Variants in ZNF662 observed in about 807,000 individuals in gnomAD.
ZNF662 encodes zinc finger protein 662.
ZNF662 carries 14 observed loss-of-function variants against 12.4 expected under a neutral mutation model. The ratio of observed to expected loss-of-function variants is 1.13; its 90% CI spans 0.75 to 1.77. The LOEUF is 1.77. Among genes scored for constraint, ZNF662 ranks in the 40% most tolerant of loss-of-function variants. The probability of loss-of-function intolerance (pLI) is 0.00; values close to 1 mark genes in which losing one functional copy is unlikely to be tolerated. For synonymous variants in ZNF662, 184 were observed against 176.4 expected (o/e 1.04, Z -0.34); for missense variants, 550 against 515.6 (o/e 1.07, Z -0.65).
chr3:42,914,277 G>A (rs372691543), intron 4 of ZNF662, 50 bp from the exon 5 acceptor site: 43 of 1,480,408 alleles, frequency 2.9e-5, no homozygotes, highest in Middle Eastern at 2.1e-4. Flanking sequence ...GACCTTAGTC[G>A]CTGTGTCATG....
chr3:42,912,273 TTA>T (rs1322021009), intron 3 of ZNF662, among the ~76,000 whole-genome samples: 2 of 125,754 alleles, frequency 1.6e-5, no homozygotes, highest in African/African-American at 6.0e-5. Flanking sequence ...ATCTTATATA[TTA>T]TATATAAATA....
chr3:42,915,251 G>A lies in ZNF662; in HGVS notation c.1178G>A (p.Cys393Tyr). ...GAAAGACCCTATAAATGTAATGACT[G>A]TGGGAAGGCCTTCAGTCAGAATTCT... ...TGERPYKCNDCGKAFSQNSVL... is the reference protein window; with the variant it reads ...TGERPYKCNDYGKAFSQNSVL... Residue 393 changes from cysteine (C) to tyrosine (Y), a missense_variant, in exon 5 of 5, where the codon TGT becomes TAT. Transcript: ENST00000440367. The A allele has an allele frequency of 6.2e-7, 1 of 1,614,110 alleles. No homozygotes were observed. Among genetic ancestry groups the A allele is most frequent in the Non-Finnish European group, 8.5e-7 (1 of 1,180,008 alleles).
chr3:42,908,672 T>C, intron 2 of ZNF662, 121 bp from the exon 3 acceptor site: 2 of 1,466,150 alleles, frequency 1.4e-6, no homozygotes, highest in South Asian at 2.8e-5. Flanking sequence ...CCTTTTCTTG[T>C]TCTTCCTAGT....
intron 2 of ZNF662, chr3:42,908,553 C>T (rs780864329): frequency 2.5e-5 from 34 of 1,336,616 alleles, no homozygotes; most frequent in Admixed American, 1.9e-4. Flanking sequence ...CTCAATTCCT[C>T]AATGAGTGAA....
chr3:42,915,210 A>G lies in ZNF662; in HGVS notation c.1137A>G (p.Gln379=), dbSNP rs776590564. The G allele has an allele frequency of 6.2e-7, 1 of 1,613,764 alleles. No homozygotes were observed. Among genetic ancestry groups the G allele is most frequent in the Non-Finnish European group, 8.5e-7 (1 of 1,179,904 alleles). ...FFCKAHLIRH[Q]RIHTGERPYK... The stretch of plus-strand genomic sequence containing the variant: ...GCAAGGCACATCTTATTCGACATCA[A>G]AGAATCCATACTGGGGAAAGACCCT... Residue 379 remains glutamine (Q), a synonymous_variant, in exon 5 of 5, where the codon CAA becomes CAG. Transcript: ENST00000440367.
At position 42,915,377 on chromosome 3, in the gene ZNF662, G is replaced by T. The variant is rs113518067; in HGVS notation, c.*23G>T. 2 of 1,522,736 alleles carry T rather than the reference G, an allele frequency of 1.3e-6. No homozygotes were observed. Among genetic ancestry groups the T allele is most frequent in the South Asian group, 1.3e-5 (1 of 75,074 alleles). The allele number at this position is 1,522,736 out of a possible 1,614,324, so 94.3% of individuals were successfully genotyped here. A position where few individuals can be genotyped will look rare whatever the true frequency, so the allele number is the denominator to read the frequency against. Reference sequence around the variant, plus strand: ...TAGAGAGTGCATAATGGTGATACTTGTTTATAATTCTTATGCTGCAGGAAC... The same window carrying T: ...TAGAGAGTGCATAATGGTGATACTTTTTTATAATTCTTATGCTGCAGGAAC... On this transcript the variant is annotated 3_prime_UTR_variant, in exon 5 of 5. Coordinates refer to ENST00000440367, the MANE Select transcript of ZNF662 (RefSeq NM_207404.4).
At position 42,914,727 on chromosome 3, in the gene ZNF662, G is replaced by T. The variant is rs1286427593; in HGVS notation, c.654G>T (p.Lys218Asn). The T allele has an allele frequency of 1.2e-6, 2 of 1,614,034 alleles. No homozygotes were observed. The highest frequency in any genetic ancestry group is 2.7e-5 in the African/African-American group (2 of 74,898). ...ACCAGAAAACTCATAATGGAGAGAA[G>T]GTCTATGGATGTAAGGAATGTGGGA... ...DQHQKTHNGE[K>N]VYGCKECGKA... Residue 218 changes from lysine (K) to asparagine (N), a missense_variant, in exon 5 of 5, where the codon AAG becomes AAT. Transcript: ENST00000440367.
intron 3 of ZNF662, among the ~76,000 whole-genome samples, chr3:42,912,693 A>ATTTATATATATATAAATATATATATATTT (rs1559381580): frequency 0.013 from 701 of 53,080 alleles, 35 homozygotes; most frequent in African/African-American, 0.048. Context: ...ATATATATAT[A>ATTTATATATATATAAATATATATATATTT]TTTTATATAT....
Position 42,906,385 on chromosome 3 carries a change from C to A in ZNF662, c.-94+217C>A. 6.6e-7 allele frequency: 1 copy of A among 1,523,308 alleles called. No homozygotes were observed. The highest frequency in any genetic ancestry group is 8.8e-7 in the Non-Finnish European group (1 of 1,140,404). 94.4% of individuals were successfully genotyped at this position (1,523,308 alleles called of 1,614,324 possible). On this transcript the variant is annotated intron_variant, in intron 1 of 4. Coordinates refer to ENST00000440367, the MANE Select transcript of ZNF662 (RefSeq NM_207404.4). This position sits in a 1 kb window ranked among gnomAD's most constrained non-coding sequence, Gnocchi z 4.4. Reference sequence around the variant, plus strand: ...CGTGGCGCTGGCGAGCGGGACACGCCTCGGCCTTGTCCTCGAGCTGCTCCC... The same window carrying A: ...CGTGGCGCTGGCGAGCGGGACACGCATCGGCCTTGTCCTCGAGCTGCTCCC...
chr3:42,908,382 T>A (rs2125640287), intron 2 of ZNF662: 1 of 1,327,516 alleles, frequency 7.5e-7, no homozygotes, highest in East Asian at 2.8e-5. Flanking sequence ...CCTACCCTTG[T>A]GTTGTGGGTA....
At chr3:42,910,107 T>G (rs2088762436) in intron 3 of ZNF662, among the ~76,000 whole-genome samples, 1 of 152,138 alleles carries the variant, frequency 6.6e-6, no homozygotes, top group Admixed American at 6.5e-5. Context: ...TCCTGGCACC[T>G]CGGGAGGCCA....
chr3:42,913,271 G>C lies in ZNF662; in HGVS notation c.222G>C (p.Leu74=), dbSNP rs1203956910. ...TGGAAGAGCCATTAAACCTGAAACT[G>C]CAAGGAGAGGGTCCAAGCCTGATTT... ...EQVEEPLNLK[L]QGEGPSLICP... is the part of the protein sequence containing the mutation. Residue 74 remains leucine (L), a synonymous_variant, in exon 4 of 5, where the codon CTG becomes CTC. Transcript: ENST00000440367. 1.9e-6 allele frequency: 3 copies of C among 1,613,990 alleles called. No individual in the cohort carries two copies. In the South Asian group the frequency reaches 3.3e-5, roughly 18 times the overall value.
rs2088676400 is a variant in ZNF662 at position 42,906,253 on chromosome 3, C to G, written c.-94+85C>G. 1.8e-6 allele frequency: 2 copies of G among 1,117,650 alleles called. No individual in the cohort carries two copies. The highest frequency in any genetic ancestry group is 1.6e-5 in the African/African-American group (1 of 61,064). 69.2% of individuals were successfully genotyped at this position (1,117,650 alleles called of 1,614,324 possible). A position where few individuals can be genotyped will look rare whatever the true frequency, so the allele number is the denominator to read the frequency against. Reference sequence around the variant, plus strand: ...CGGTGGCTGCAGGGCGCAGGGTAGCCGTGTCAGGCCTGCCCAGGTGCAGAG... The same window carrying G: ...CGGTGGCTGCAGGGCGCAGGGTAGCGGTGTCAGGCCTGCCCAGGTGCAGAG... On this transcript the variant is annotated intron_variant, in intron 1 of 4. Transcript: ENST00000440367. The surrounding 1 kb of genome is among the most constrained non-coding windows in gnomAD (Gnocchi z 4.4).
chr3:42,914,331 T>C lies in ZNF662; in HGVS notation c.258T>C (p.Gly86=). 1 of 1,588,660 alleles carries C rather than the reference T, an allele frequency of 6.3e-7. No homozygotes were observed. The highest frequency in any genetic ancestry group is 1.4e-5 in the African/African-American group (1 of 73,044). Residue 86 remains glycine (G), a synonymous_variant, in exon 5 of 5, where the codon GGT becomes GGC. Transcript: ENST00000440367. ...GEGPSLICPE[G]VLKRKKEDFI... ...AGCTCCAATTTCTTTTTTCAGAGGG[T>C]GTGTTGAAGAGGAAGAAAGAAGATT...
In ZNF662 at chr3:42,918,328, A is replaced by G. The variant is rs1298877938; in HGVS notation, c.*2974A>G. ...TTAAGTGAAAAGGAAAACTCTCAAC[A>G]AAAAGAGGGGTCCTGCATGCAGGTT... On this transcript the variant is annotated 3_prime_UTR_variant, in exon 5 of 5. Transcript: ENST00000440367. 2.6e-5 allele frequency among the ~76,000 whole-genome samples: 4 copies of G among 152,116 alleles called. No individual in the cohort carries two copies. Among genetic ancestry groups the G allele is most frequent in the Non-Finnish European group, 5.9e-5 (4 of 68,014 alleles).
chr3:42,913,138 C>G lies in ZNF662; in HGVS notation c.152-63C>G. ...TCTCCCTACCACTTCCATGTCTGCT[C>G]TTTTCCTGATGGGCCTCACTCTTCT... On this transcript the variant is annotated intron_variant, in intron 3 of 4. Transcript: ENST00000440367. 4 of 1,237,138 alleles carry G rather than the reference C, an allele frequency of 3.2e-6. No individual in the cohort carries two copies. The African/African-American group carries it at 4.4e-5, about 14-fold the overall frequency. The allele number at this position is 1,237,138 out of a possible 1,614,324, so 76.6% of individuals were successfully genotyped here.
At chr3:42,910,063 A>AT (rs1258865890) in intron 3 of ZNF662, among the ~76,000 whole-genome samples, 2 of 152,178 alleles carry the variant, frequency 1.3e-5, no homozygotes, top group Non-Finnish European at 2.9e-5. Flanking sequence ...CCTGGGCAAC[A>AT]TTGAGCACTG....
At position 42,917,355 on chromosome 3, in the gene ZNF662, G is replaced by T; in HGVS notation, c.*2001G>T. Reference sequence around the variant, plus strand: ...TGGAAAAGAGAGGCTTTTCTTCATCGAGAGCTACCAGAGGAGATATTATCT... The same window carrying T: ...TGGAAAAGAGAGGCTTTTCTTCATCTAGAGCTACCAGAGGAGATATTATCT... On this transcript the variant is annotated 3_prime_UTR_variant, in exon 5 of 5. Transcript: ENST00000440367. The T allele has an allele frequency of 1.7e-6, 1 of 599,064 alleles. No homozygotes were observed. Among genetic ancestry groups the T allele is most frequent in the South Asian group, 2.1e-5 (1 of 47,074 alleles). The allele number at this position is 599,064 out of a possible 1,614,324, so 37.1% of individuals were successfully genotyped here.
chr3:42,916,061 T>TA lies in ZNF662; in HGVS notation c.*713dup, dbSNP rs2088894519. On this transcript the variant is annotated 3_prime_UTR_variant, in exon 5 of 5. Transcript: ENST00000440367. ...TTGACTAGATATAACATGCTCATGA[T>TA]AAAAAAGAATTGAAATAGTTGAAAA... 1 of 152,122 alleles carries TA rather than the reference T, an allele frequency of 6.6e-6. No individual in the cohort carries two copies. Among genetic ancestry groups the TA allele is most frequent in the Non-Finnish European group, 1.5e-5 (1 of 68,028 alleles). The allele number at this position is 152,122 out of a possible 1,614,324, so 9.4% of individuals were successfully genotyped here. A position where few individuals can be genotyped will look rare whatever the true frequency, so the allele number is the denominator to read the frequency against.
Sources: gnomAD v4.1 joint callset for allele counts (sites outside exome capture counted in the v4.1 genomes callset) on GRCh38, gnomAD v4.1.1 for gene constraint, Gnocchi (gnomAD v3.1) non-coding constraint, MANE v1.5 for transcripts, NCBI Gene and HGNC (gene_info 2026-07-23, HGNC 2026-07-21) for gene names.